The following SGIP1 variants were observed in gnomAD, a reference collection of about 807,000 sequenced individuals.
SGIP1 encodes the protein SH3-containing GRB2-like protein 3-interacting protein 1.
A neutral mutation model predicts 107.5 loss-of-function variants in SGIP1; 38 were observed. That is an observed-to-expected ratio of 0.35 (90% CI 0.27 to 0.46). The LOEUF (loss-of-function observed/expected upper bound fraction) is 0.46, where lower values mean the gene tolerates loss of function less well. Ranked by LOEUF, SGIP1 falls within the 20% of genes least tolerant of loss-of-function variation. SGIP1 has a pLI of 1.00. For synonymous variants in SGIP1, 365 were observed against 366.1 expected (o/e 1.00, Z 0.03); for missense variants, 929 against 1,019.5 (o/e 0.91, Z 1.21).
At chr1:66,652,867 T>C (rs949708107) in intron 7 of SGIP1, among the ~76,000 whole-genome samples, 1 of 152,208 alleles carries the variant, frequency 6.6e-6, no homozygotes, top group African/African-American at 2.4e-5. Context: ...TGCATTCTGA[T>C]GCAAGGCACT....
intron 8 of SGIP1, among the ~76,000 whole-genome samples, chr1:66,664,110 A>G (rs1323557178): frequency 6.6e-6 from 1 of 152,176 alleles, no homozygotes; most frequent in Non-Finnish European, 1.5e-5. Context: ...TTCTACACCA[A>G]AGAACTTTTT....
chr1:66,710,498 G>A, intron 18 of SGIP1, among the ~76,000 whole-genome samples: 2 of 152,114 alleles, frequency 1.3e-5, no homozygotes, highest in Admixed American at 1.3e-4. Context: ...GCAGTTACTG[G>A]ATTCTGAAGA....
At chr1:66,587,871 T>A (rs1025227079) in intron 1 of SGIP1, among the ~76,000 whole-genome samples, 2 of 152,134 alleles carry the variant, frequency 1.3e-5, no homozygotes, top group East Asian at 3.8e-4. Flanking sequence ...AAAAAACCCT[T>A]GTAAAACTTG....
intron 16 of SGIP1, among the ~76,000 whole-genome samples, chr1:66,689,778 CA>C (rs2089393698): frequency 6.6e-6 from 1 of 152,164 alleles, no homozygotes; most frequent in South Asian, 2.1e-4. Context: ...AGACTTGTGG[CA>C]GAAGTAGATT....
intron 4 of SGIP1, among the ~76,000 whole-genome samples, chr1:66,637,695 A>G (rs967163784): frequency 2.0e-5 from 3 of 151,572 alleles, no homozygotes; most frequent in Non-Finnish European, 4.4e-5. Flanking sequence ...TTTCTACAGT[A>G]TTAGATATAT....
At position 66,749,389 on chromosome 1, in the gene SGIP1, G is replaced by A. The variant is rs144690591; in HGVS notation, c.*6294G>A. Among the ~76,000 whole-genome samples the A allele has an allele frequency of 6.6e-6, 1 of 151,210 alleles. No homozygotes were observed. The highest frequency in any genetic ancestry group is 1.5e-5 in the Non-Finnish European group (1 of 67,782). ...TGGGGAAAGCTAAGAGCAGTGCACTGTTTAGCACAGATTTTGTGAGATTCT... is the reference window on the plus strand; with the variant it reads ...TGGGGAAAGCTAAGAGCAGTGCACTATTTAGCACAGATTTTGTGAGATTCT... On this transcript the variant is annotated 3_prime_UTR_variant, in exon 25 of 25. Coordinates refer to ENST00000371037, the MANE Select transcript of SGIP1 (RefSeq NM_032291.4).
chr1:66,695,115 A>G (rs2090612516), intron 17 of SGIP1: 3 of 455,926 alleles, frequency 6.6e-6, no homozygotes, highest in Non-Finnish European at 1.1e-5. Context: ...AAATTAGTGC[A>G]GTTAAAATAT....
At chr1:66,599,404 G>C (rs977755586) in intron 1 of SGIP1, among the ~76,000 whole-genome samples, 4 of 152,120 alleles carry the variant, frequency 2.6e-5, no homozygotes, top group Admixed American at 6.5e-5. Context: ...TACACCACTG[G>C]TAGGTGACTG....
intron 1 of SGIP1, among the ~76,000 whole-genome samples, chr1:66,600,646 G>C (rs746825560): frequency 5.3e-5 from 8 of 152,202 alleles, no homozygotes; most frequent in Non-Finnish European, 8.8e-5. Context: ...TAGAAAGGAT[G>C]CAAGTGGTTG....
chr1:66,542,180 G>A (rs1246518220), intron 1 of SGIP1, among the ~76,000 whole-genome samples: 2 of 151,712 alleles, frequency 1.3e-5, no homozygotes, highest in Admixed American at 1.3e-4. Context: ...CAATCAGTAG[G>A]TATCAGTTTT....
At chr1:66,563,033 A>G (rs1288630857) in intron 1 of SGIP1, among the ~76,000 whole-genome samples, 1 of 152,036 alleles carries the variant, frequency 6.6e-6, no homozygotes, top group Non-Finnish European at 1.5e-5. Flanking sequence ...AAGAAATTGA[A>G]GAAAAAAACA....
intron 12 of SGIP1, among the ~76,000 whole-genome samples, chr1:66,676,580 C>T (rs556882627): frequency 1.7e-4 from 26 of 152,090 alleles, no homozygotes; most frequent in African/African-American, 6.0e-4. Context: ...AGAATGCAGG[C>T]GTTTTCAGTT....
At chr1:66,695,314 A>G in intron 17 of SGIP1, 120 bp from the exon 18 acceptor site, 1 of 1,565,742 alleles carries the variant, frequency 6.4e-7, no homozygotes, top group Non-Finnish European at 8.7e-7. Flanking sequence ...CGCTAATGGC[A>G]TGTAGTGCCT....
chr1:66,609,995 T>C (rs540108384), intron 1 of SGIP1, among the ~76,000 whole-genome samples: 3 of 152,224 alleles, frequency 2.0e-5, no homozygotes, highest in African/African-American at 7.2e-5. Context: ...TCTCGTCAGT[T>C]CAAAGTCTTT....
At chr1:66,652,499 C>A (rs1289071855) in intron 7 of SGIP1, among the ~76,000 whole-genome samples, 8 of 152,096 alleles carry the variant, frequency 5.3e-5, no homozygotes, top group Admixed American at 2.0e-4. Context: ...CATGAAGGAA[C>A]AATTAGTTTA....
chr1:66,684,228 C>T, intron 15 of SGIP1: 2 of 1,550,256 alleles, frequency 1.3e-6, no homozygotes, highest in South Asian at 1.2e-5. Context: ...CCAGTGTGCT[C>T]TCCAGGCACT....
At chr1:66,588,192 C>T (rs1557985259) in intron 1 of SGIP1, among the ~76,000 whole-genome samples, 1 of 152,086 alleles carries the variant, frequency 6.6e-6, no homozygotes, top group Non-Finnish European at 1.5e-5. Context: ...CGGGAGATTG[C>T]CGGATCATCT....
At position 66,746,890 on chromosome 1, in the gene SGIP1, C is replaced by T. The variant is rs916236813; in HGVS notation, c.*3795C>T. On this transcript the variant is annotated 3_prime_UTR_variant, in exon 25 of 25. Transcript: ENST00000371037. ...AATAACAAAACTGTCAAAAAAGAAT[C>T]ACTGCTTCTCAAAATATGATTGGTA... is the stretch of plus-strand genomic sequence containing the variant. 4 of 152,052 alleles carry T rather than the reference C, an allele frequency of 2.6e-5. No individual in the cohort carries two copies. Among genetic ancestry groups the T allele is most frequent in the Non-Finnish European group, 4.4e-5 (3 of 67,946 alleles). 9.4% of individuals were successfully genotyped at this position (152,052 alleles called of 1,614,324 possible).
At chr1:66,672,125 T>C in intron 11 of SGIP1, 130 bp downstream of exon 11, 3 of 786,306 alleles carry the variant, frequency 3.8e-6, no homozygotes, top group Admixed American at 2.2e-5. Flanking sequence ...TCAGTCCATA[T>C]GTCCACAGCA....
Sources: allele counts gnomAD v4.1 joint callset (sites outside exome capture counted in the v4.1 genomes callset), GRCh38; gene constraint gnomAD v4.1.1; transcripts MANE v1.5; gene names NCBI Gene and HGNC (gene_info 2026-07-23, HGNC 2026-07-21).